Variants in MYO1D observed in about 807,000 individuals in gnomAD.
The protein encoded by MYO1D is unconventional myosin-Id.
In MYO1D, 83 loss-of-function variants were observed where a neutral mutation model predicts 122.0. The observed-to-expected ratio is 0.68, with a 90% CI of 0.57 to 0.82. The LOEUF (loss-of-function observed/expected upper bound fraction) is 0.82. Ranked by LOEUF, MYO1D falls within the 40% of genes least tolerant of loss-of-function variation. MYO1D has a pLI of 0.00. For synonymous variants in MYO1D, 464 were observed against 446.9 expected (o/e 1.04, Z -0.48); for missense variants, 1,157 against 1,269.5 (o/e 0.91, Z 1.35).
intron 1 of MYO1D, among the ~76,000 whole-genome samples, chr17:32,855,368 T>A (rs925777622): frequency 1.3e-5 from 2 of 152,170 alleles, no homozygotes; most frequent in African/African-American, 4.8e-5. Flanking sequence ...TATCCTGACT[T>A]CTTACACCAT....
chr17:32,715,539 C>T (rs1243111865), intron 15 of MYO1D, among the ~76,000 whole-genome samples: 2 of 152,074 alleles, frequency 1.3e-5, no homozygotes, highest in Admixed American at 6.6e-5. Flanking sequence ...TACTATACCC[C>T]CAAATGCAGG....
At chr17:32,631,925 A>G (rs998263889) in intron 20 of MYO1D, among the ~76,000 whole-genome samples, 1 of 124,338 alleles carries the variant, frequency 8.0e-6, no homozygotes, top group Non-Finnish European at 1.8e-5. Context: ...GTTAGTTTGA[A>G]ATTTTTCATA....
At chr17:32,614,626 C>G (rs1247757049) in intron 20 of MYO1D, among the ~76,000 whole-genome samples, 2 of 152,154 alleles carry the variant, frequency 1.3e-5, no homozygotes, top group African/African-American at 4.8e-5. Context: ...TCCCAGTCCC[C>G]CACATCTTGT....
rs775581238 is a variant in MYO1D, at chr17:32,494,768, G to C, written c.3012C>G (p.Pro1004=). The C allele has an allele frequency of 1.2e-5, 20 of 1,603,486 alleles. No homozygotes were observed. The highest frequency in any genetic ancestry group is 2.7e-5 in the African/African-American group (2 of 74,620). ...KNRSGFILSV[P]GN Reference sequence around the variant, plus strand: ...AGGCCTCCGCGGGGCGTCAGTTCCCGGGCACGCTGAGGATGAAGCCCGAGC... The same window carrying C: ...AGGCCTCCGCGGGGCGTCAGTTCCCCGGCACGCTGAGGATGAAGCCCGAGC... The change falls in exon 22 of 22, where the codon CCC becomes CCG. Residue 1004 remains proline, a synonymous_variant. Transcript: ENST00000318217.
intron 21 of MYO1D, among the ~76,000 whole-genome samples, chr17:32,544,241 G>C (rs907445764): frequency 1.3e-5 from 2 of 148,934 alleles, no homozygotes; most frequent in African/African-American, 5.0e-5. Flanking sequence ...GACTACAGGT[G>C]TGCACTACCA....
chr17:32,736,796 T>C (rs2089706714), intron 14 of MYO1D, among the ~76,000 whole-genome samples: 1 of 152,266 alleles, frequency 6.6e-6, no homozygotes, highest in Non-Finnish European at 1.5e-5. Flanking sequence ...CTGTTTCTTG[T>C]GTCCTGTGTC....
chr17:32,819,922 T>C (rs1567657481), intron 1 of MYO1D, among the ~76,000 whole-genome samples: 1 of 152,238 alleles, frequency 6.6e-6, no homozygotes, highest in African/African-American at 2.4e-5. Context: ...CTAGACAACA[T>C]GCATAGTACT....
At chr17:32,731,442 A>G (rs1295655256) in intron 14 of MYO1D, among the ~76,000 whole-genome samples, 2 of 151,974 alleles carry the variant, frequency 1.3e-5, no homozygotes, top group Non-Finnish European at 2.9e-5. Flanking sequence ...AAGCATTCTC[A>G]TATTCTCTTT....
intron 21 of MYO1D, among the ~76,000 whole-genome samples, chr17:32,533,739 C>T (rs924503470): frequency 6.6e-6 from 1 of 152,196 alleles, no homozygotes; most frequent in African/African-American, 2.4e-5. Flanking sequence ...GAGCTCTCTG[C>T]TCCCTCCTGG....
intron 16 of MYO1D, among the ~76,000 whole-genome samples, chr17:32,682,459 T>A (rs2088933562): frequency 6.7e-6 from 1 of 150,248 alleles, no homozygotes; most frequent in Admixed American, 6.6e-5. Flanking sequence ...GGTGACAAAA[T>A]CTCTCAGCAT....
intron 20 of MYO1D, among the ~76,000 whole-genome samples, chr17:32,613,789 C>CAAAAAAAAAAAAAAA (rs60701225): frequency 2.0e-5 from 1 of 51,040 alleles, no homozygotes; most frequent in Non-Finnish European, 3.3e-5. Context: ...GATTCCATCT[C>CAAAAAAAAAAAAAAA]AAAAAAAAAA....
chr17:32,679,399 C>A (rs1036119677), intron 16 of MYO1D, among the ~76,000 whole-genome samples: 7 of 151,966 alleles, frequency 4.6e-5, no homozygotes, highest in Non-Finnish European at 1.0e-4. Flanking sequence ...TTAGGTCTAA[C>A]GTTTAAATCT....
At chr17:32,668,830 T>C (rs1013247885) in intron 16 of MYO1D, among the ~76,000 whole-genome samples, 1 of 152,002 alleles carries the variant, frequency 6.6e-6, no homozygotes, top group Non-Finnish European at 1.5e-5. Flanking sequence ...GCCTCCTGAG[T>C]AGCTGGGACT....
At chr17:32,719,008 T>C (rs745737099) in intron 15 of MYO1D, among the ~76,000 whole-genome samples, 7 of 152,242 alleles carry the variant, frequency 4.6e-5, no homozygotes, top group African/African-American at 1.2e-4. Flanking sequence ...AAAGTGAACA[T>C]AGAGATGTGT....
chr17:32,653,582 GACA>G (rs772007781), intron 19 of MYO1D, among the ~76,000 whole-genome samples: 43 of 129,204 alleles, frequency 3.3e-4, no homozygotes, highest in Non-Finnish European at 5.8e-4. Flanking sequence ...GTCCAGCCTG[GACA>G]ACATGAGTAA....
At chr17:32,759,400 T>C (rs559834079) in intron 10 of MYO1D, among the ~76,000 whole-genome samples, 1 of 152,240 alleles carries the variant, frequency 6.6e-6, no homozygotes, top group Admixed American at 6.5e-5. Flanking sequence ...ATAAAAGTCA[T>C]TTAAATATAG....
At chr17:32,764,347 T>C (rs1266223735) in intron 8 of MYO1D, among the ~76,000 whole-genome samples, 1 of 152,180 alleles carries the variant, frequency 6.6e-6, no homozygotes, top group Non-Finnish European at 1.5e-5. Flanking sequence ...TTTGTGGTGA[T>C]CCACTGCAAA....
intron 1 of MYO1D, among the ~76,000 whole-genome samples, chr17:32,821,373 TCAA>T (rs2090661916): frequency 6.6e-6 from 1 of 152,128 alleles, no homozygotes; most frequent in Non-Finnish European, 1.5e-5. Context: ...TATTCTTAAA[TCAA>T]CAAACTAAAA....
In MYO1D at chr17:32,772,640, T is replaced by TGGTG. The variant is rs2090126239; in HGVS notation, c.618+145_618+148dup. ...TCTTAAGCAGGTAGGGCAGGGCATG[T>TGGTG]GGTGCGTGCGTGCGTGCGTGCATGC... On this transcript the variant is annotated intron_variant, in intron 5 of 21. Transcript: ENST00000318217. The TGGTG allele has an allele frequency of 6.1e-6, 4 of 657,842 alleles. No individual in the cohort carries two copies. In the East Asian group the frequency reaches 1.1e-4, roughly 18 times the overall value. The allele number at this position is 657,842 out of a possible 1,614,324, so 40.8% of individuals were successfully genotyped here. A position where few individuals can be genotyped will look rare whatever the true frequency, so the allele number is the denominator to read the frequency against.
Sources: gnomAD v4.1 joint callset for allele counts (sites outside exome capture counted in the v4.1 genomes callset) on GRCh38, gnomAD v4.1.1 for gene constraint, MANE v1.5 for transcripts, NCBI Gene and HGNC (gene_info 2026-07-23, HGNC 2026-07-21) for gene names.